The following GFOD1 variants were observed in gnomAD, a reference collection of about 807,000 sequenced individuals.
The protein encoded by GFOD1 is glucose-fructose oxidoreductase domain-containing protein 1.
GFOD1 carries 9 observed loss-of-function variants against 25.4 expected under a neutral mutation model. The ratio of observed to expected loss-of-function variants is 0.35; its 90% CI spans 0.21 to 0.62. The LOEUF is 0.62. Ranked by LOEUF, GFOD1 falls within the 20% of genes least tolerant of loss-of-function variation. The probability of loss-of-function intolerance (pLI) is 0.72; values close to 1 mark genes in which losing one functional copy is unlikely to be tolerated. For synonymous variants in GFOD1, 253 were observed against 245.6 expected (o/e 1.03, Z -0.28); for missense variants, 403 against 556.9 (o/e 0.72, Z 2.78).
chr6:13,446,752 G>T (rs556901396), intron 1 of GFOD1, among the ~76,000 whole-genome samples: 28 of 152,310 alleles, frequency 1.8e-4, no homozygotes, highest in African/African-American at 6.0e-4. Context: ...GGTAAGGGCC[G>T]ATGTGATCCC....
At chr6:13,482,553 C>A (rs1037528321) in intron 1 of GFOD1, among the ~76,000 whole-genome samples, 1 of 151,970 alleles carries the variant, frequency 6.6e-6, no homozygotes, top group African/African-American at 2.4e-5. Flanking sequence ...TTGAGACCAG[C>A]CTGGCCAACA....
rs1784923752 is a variant in GFOD1, at chr6:13,359,968, C to T, written c.*4775G>A. 1 of 150,074 alleles carries T rather than the reference C, an allele frequency of 6.7e-6. No homozygotes were observed. The allele number at this position is 150,074 out of a possible 1,614,324, so 9.3% of individuals were successfully genotyped here. A position where few individuals can be genotyped will look rare whatever the true frequency, so the allele number is the denominator to read the frequency against. On this transcript the variant is annotated 3_prime_UTR_variant, in exon 2 of 2. Transcript: ENST00000379287. ...CTCAAAAAAAAAAAAAAAAGGATTT[C>T]CAGATTTCCCTGCAACTGCTCAGCG...
chr6:13,364,607 T>A lies in GFOD1; in HGVS notation c.*136A>T, dbSNP rs948293797. 12 of 742,080 alleles carry A rather than the reference T, an allele frequency of 1.6e-5. No homozygotes were observed. The highest frequency in any genetic ancestry group is 2.6e-5 in the Non-Finnish European group (12 of 463,978). 46.0% of individuals were successfully genotyped at this position (742,080 alleles called of 1,614,324 possible). ...TCACCGGGATTGGAGTTTACCTTCC[T>A]AGATGCCATTTATTCACACTGTCCC... On this transcript the variant is annotated 3_prime_UTR_variant, in exon 2 of 2. Transcript: ENST00000379287. This position sits in a 1 kb window ranked among gnomAD's most constrained non-coding sequence, Gnocchi z 4.1.
intron 1 of GFOD1, 172 bp downstream of exon 1, chr6:13,486,466 G>A (rs1186141040): frequency 2.5e-5 from 16 of 644,446 alleles, no homozygotes; most frequent in Non-Finnish European, 4.2e-5. Flanking sequence ...GGGGAAGGCC[G>A]GGGACGAGGA....
At chr6:13,445,840 C>T (rs1021280731) in intron 1 of GFOD1, among the ~76,000 whole-genome samples, 1 of 152,206 alleles carries the variant, frequency 6.6e-6, no homozygotes, top group Non-Finnish European at 1.5e-5. Context: ...CTGGGTTGCA[C>T]AGTCCAGACG....
chr6:13,426,648 G>A (rs530649455), intron 1 of GFOD1, among the ~76,000 whole-genome samples: 39 of 152,240 alleles, frequency 2.6e-4, no homozygotes, highest in African/African-American at 9.1e-4. Flanking sequence ...GGAGCACCTG[G>A]GACAAGCAGA....
At chr6:13,464,861 C>CGTGTGT (rs36218477) in intron 1 of GFOD1, among the ~76,000 whole-genome samples, 86 of 146,862 alleles carry the variant, frequency 5.9e-4, no homozygotes, top group African/African-American at 2.0e-3. Context: ...TTCCTCTTTC[C>CGTGTGT]GTGTGTGTGT....
intron 1 of GFOD1, among the ~76,000 whole-genome samples, chr6:13,394,363 A>C (rs1015636747): frequency 9.2e-5 from 14 of 152,082 alleles, no homozygotes; most frequent in Non-Finnish European, 1.9e-4. Context: ...ATCTCTCGGA[A>C]GGAACACTGA....
chr6:13,362,646 G>C lies in GFOD1; in HGVS notation c.*2097C>G, dbSNP rs571638163. On this transcript the variant is annotated 3_prime_UTR_variant, in exon 2 of 2. Coordinates refer to ENST00000379287, the MANE Select transcript of GFOD1 (RefSeq NM_018988.4). ...CAGGTCAGGGACCACAACAAACCAC[G>C]CATGGAATTTCAGCTTACCCACCCT... is the stretch of plus-strand genomic sequence containing the variant. The C allele has an allele frequency of 2.0e-5, 3 of 152,272 alleles. No individual in the cohort carries two copies. Among genetic ancestry groups the C allele is most frequent in the Non-Finnish European group, 2.9e-5 (2 of 68,038 alleles). 9.4% of individuals were successfully genotyped at this position (152,272 alleles called of 1,614,324 possible). A position where few individuals can be genotyped will look rare whatever the true frequency, so the allele number is the denominator to read the frequency against.
At chr6:13,399,981 A>G (rs540896189) in intron 1 of GFOD1, among the ~76,000 whole-genome samples, 3 of 152,222 alleles carry the variant, frequency 2.0e-5, no homozygotes, top group East Asian at 3.9e-4. Flanking sequence ...CCAATACATC[A>G]TTTCTTTCTC....
chr6:13,441,680 G>T (rs986109896), intron 1 of GFOD1, among the ~76,000 whole-genome samples: 1 of 152,096 alleles, frequency 6.6e-6, no homozygotes, highest in Non-Finnish European at 1.5e-5. Flanking sequence ...ATTTGACATA[G>T]ACTAATTGAT....
chr6:13,458,424 T>C (rs1758230175), intron 1 of GFOD1, among the ~76,000 whole-genome samples: 1 of 152,078 alleles, frequency 6.6e-6, no homozygotes, highest in African/African-American at 2.4e-5. Context: ...GCCTGTATTA[T>C]ACAATATTTT....
intron 1 of GFOD1, among the ~76,000 whole-genome samples, chr6:13,375,013 G>C (rs1238844931): frequency 1.1e-4 from 16 of 152,122 alleles, no homozygotes; most frequent in Non-Finnish European, 1.5e-5. Context: ...AAAGTGCTGG[G>C]ATTACAGGCA....
chr6:13,470,854 T>C (rs2033209), intron 1 of GFOD1, among the ~76,000 whole-genome samples: 9,824 of 152,160 alleles, frequency 0.065, 1,044 homozygotes, highest in African/African-American at 0.22. Context: ...AATGCACACT[T>C]ACCTCTCCCT....
At chr6:13,462,050 C>A (rs1758300184) in intron 1 of GFOD1, among the ~76,000 whole-genome samples, 1 of 152,194 alleles carries the variant, frequency 6.6e-6, no homozygotes, top group Admixed American at 6.5e-5. Context: ...TAACGCTGGG[C>A]AAGGTCCTTA....
At chr6:13,440,279 G>A (rs370717565) in intron 1 of GFOD1, among the ~76,000 whole-genome samples, 5 of 151,784 alleles carry the variant, frequency 3.3e-5, no homozygotes, top group African/African-American at 7.3e-5. Context: ...AACCTCTGCC[G>A]CCAGGTTCAA....
At chr6:13,428,013 C>T (rs560781347) in intron 1 of GFOD1, among the ~76,000 whole-genome samples, 15 of 152,196 alleles carry the variant, frequency 9.9e-5, no homozygotes, top group South Asian at 2.1e-4. Flanking sequence ...AACACCTCCA[C>T]GCCTGGCTGG....
intron 1 of GFOD1, among the ~76,000 whole-genome samples, chr6:13,403,109 G>GTGGT: frequency 7.6e-6 from 1 of 131,876 alleles, no homozygotes; most frequent in Non-Finnish European, 1.7e-5. Context: ...TGTGTGTGTG[G>GTGGT]TTTTTTTTTT....
chr6:13,433,435 T>C (rs923869470), intron 1 of GFOD1, among the ~76,000 whole-genome samples: 1 of 152,258 alleles, frequency 6.6e-6, no homozygotes, highest in East Asian at 1.9e-4. Flanking sequence ...TCACTTTTTG[T>C]TGTAGGGAGC....
Sources: allele counts gnomAD v4.1 joint callset (sites outside exome capture counted in the v4.1 genomes callset), GRCh38; gene constraint gnomAD v4.1.1; non-coding constraint Gnocchi (gnomAD v3.1); transcripts MANE v1.5; gene names NCBI Gene and HGNC (gene_info 2026-07-23, HGNC 2026-07-21).